Variants in RNPEPL1 observed in about 807,000 individuals in gnomAD.
The protein encoded by RNPEPL1 is aminopeptidase RNPEPL1.
A neutral mutation model predicts 69.0 loss-of-function variants in RNPEPL1; 46 were observed. The observed-to-expected ratio is 0.67, with a 90% CI of 0.53 to 0.85. RNPEPL1 has a LOEUF of 0.85. Among genes scored for constraint, RNPEPL1 ranks in the 40% least tolerant of loss-of-function variants. RNPEPL1 has a pLI of 0.00. For synonymous variants in RNPEPL1, 525 were observed against 454.1 expected (o/e 1.16, Z -1.98); for missense variants, 869 against 992.5 (o/e 0.88, Z 1.67).
In RNPEPL1 at chr2:240,578,081, C is replaced by G; in HGVS notation, c.*189C>G. 1 of 503,596 alleles carries G rather than the reference C, an allele frequency of 2.0e-6. No individual in the cohort carries two copies. 31.2% of individuals were successfully genotyped at this position (503,596 alleles called of 1,614,324 possible). On this transcript the variant is annotated 3_prime_UTR_variant, in exon 11 of 11. Transcript: ENST00000270357. Reference sequence around the variant, plus strand: ...CTTGTGTCTGGCAGAGACCTGTGGACCTGGCCTCCCCACTCCCAGCTCTCT... The same window carrying G: ...CTTGTGTCTGGCAGAGACCTGTGGAGCTGGCCTCCCCACTCCCAGCTCTCT...
rs1231473230 is a variant in RNPEPL1 at position 240,577,715 on chromosome 2, A to G, written c.2001A>G (p.Arg667=). Residue 667 remains arginine (R), a synonymous_variant, in exon 11 of 11, where the codon AGA becomes AGG. Transcript: ENST00000270357. ...TQGRLHPNLR[R]AIQQILSQGL... The stretch of plus-strand genomic sequence containing the variant: ...GCCGGCTGCACCCCAACCTGCGCAG[A>G]GCCATCCAGCAGATCCTGTCCCAGG... 2 of 1,612,656 alleles carry G rather than the reference A, an allele frequency of 1.2e-6. No individual in the cohort carries two copies. Among genetic ancestry groups the G allele is most frequent in the Admixed American group, 1.7e-5 (1 of 59,970 alleles).
In RNPEPL1 at chr2:240,572,508, T is replaced by G. The variant is rs2093024657; in HGVS notation, c.614T>G (p.Phe205Cys). The G allele has an allele frequency of 6.5e-7, 1 of 1,536,146 alleles. No individual in the cohort carries two copies. The highest frequency in any genetic ancestry group is 2.0e-5 in the Admixed American group (1 of 50,990). ...TQGHSVCNRS[F>C]FPCFDTPAVK... ...GGCCACTCCGTGTGCAACCGCTCCT[T>G]CTTCCCGTGCTTCGACACACCTGCC... Residue 205 changes from phenylalanine (F) to cysteine (C), a missense_variant, in exon 2 of 11, where the codon TTC becomes TGC. This residue lies in a region of RNPEPL1 where 610 missense variants were observed against 790.9 expected (regional missense o/e 0.77). Transcript: ENST00000270357.
chr2:240,576,572 G>A lies in RNPEPL1; in HGVS notation c.1548G>A (p.Pro516=), dbSNP rs777178847. The change falls in exon 9 of 11, where the codon CCG becomes CCA. Residue 516 remains proline, a synonymous_variant. Coordinates refer to ENST00000270357, the MANE Select transcript of RNPEPL1 (RefSeq NM_018226.6). The stretch of plus-strand genomic sequence containing the variant: ...AGCGCTGGCTCAATGCCACAGGCCC[G>A]CCGCTGGCTGAGCCGGACCTGTCTC... The part of the protein sequence containing the change: ...EFERWLNATG[P]PLAEPDLSQG... 2.5e-5 allele frequency: 40 copies of A among 1,612,882 alleles called. No individual in the cohort carries two copies. Among genetic ancestry groups the A allele is most frequent in the East Asian group, 6.7e-5 (3 of 44,868 alleles).
At chr2:240,571,396 C>CGAA (rs1314912382) in intron 1 of RNPEPL1, among the ~76,000 whole-genome samples, 1 of 152,092 alleles carries the variant, frequency 6.6e-6, no homozygotes, top group East Asian at 1.9e-4. Flanking sequence ...GGCCTCTGCA[C>CGAA]GAAGAGCAAT....
intron 1 of RNPEPL1, among the ~76,000 whole-genome samples, chr2:240,569,768 A>T (rs1412085839): frequency 6.6e-6 from 1 of 152,206 alleles, no homozygotes; most frequent in Non-Finnish European, 1.5e-5. Context: ...ATGGGGGTTC[A>T]TACTGCATCC....
chr2:240,574,531 C>T lies in RNPEPL1; in HGVS notation c.1191C>T (p.Cys397=). The part of the protein sequence containing the change: ...TTETYGAAFT[C]LETAFRLDAL... ...CCCATCCAGGTGCTGCCTTCACCTG[C>T]CTGGAGACTGCCTTCCGCCTGGACG... The change falls in exon 6 of 11, where the codon TGC becomes TGT. Residue 397 remains cysteine, a synonymous_variant. Coordinates refer to ENST00000270357, the MANE Select transcript of RNPEPL1 (RefSeq NM_018226.6). 6.2e-7 allele frequency: 1 copy of T among 1,611,974 alleles called. No individual in the cohort carries two copies. Among genetic ancestry groups the T allele is most frequent in the Non-Finnish European group, 8.5e-7 (1 of 1,179,644 alleles).
chr2:240,581,187 A>G lies in RNPEPL1; in HGVS notation c.*3295A>G, dbSNP rs1179296555. On this transcript the variant is annotated 3_prime_UTR_variant, in exon 11 of 11. Transcript: ENST00000270357. Reference sequence around the variant, plus strand: ...TTACACCTGAGACAGAGGCAACAGAAAAATCAGAAAAGGACTTTAGAACAC... The same window carrying G: ...TTACACCTGAGACAGAGGCAACAGAGAAATCAGAAAAGGACTTTAGAACAC... The G allele has an allele frequency of 6.6e-6, 1 of 152,364 alleles. No individual in the cohort carries two copies. Among genetic ancestry groups the G allele is most frequent in the African/African-American group, 2.4e-5 (1 of 41,580 alleles). 9.4% of individuals were successfully genotyped at this position (152,364 alleles called of 1,614,324 possible).
intron 1 of RNPEPL1, 140 bp from the exon 2 acceptor site, chr2:240,572,283 A>G (rs1297151536): frequency 1.0e-6 from 1 of 970,698 alleles, no homozygotes; most frequent in East Asian, 2.7e-5. Context: ...AGGGGTGGCT[A>G]TTGGCCCTCG....
At position 240,568,682 on chromosome 2, in the gene RNPEPL1, G is replaced by A; in HGVS notation, c.96G>A (p.Ser32=). The A allele has an allele frequency of 9.6e-7, 1 of 1,044,804 alleles. No individual in the cohort carries two copies. The highest frequency in any genetic ancestry group is 5.2e-5 in the Admixed American group (1 of 19,076). The allele number at this position is 1,044,804 out of a possible 1,614,324, so 64.7% of individuals were successfully genotyped here. A position where few individuals can be genotyped will look rare whatever the true frequency, so the allele number is the denominator to read the frequency against. Residue 32 remains serine, a synonymous_variant, in exon 1 of 11, where the codon TCG becomes TCA. Transcript: ENST00000270357. This position sits in a 1 kb window ranked among gnomAD's most constrained non-coding sequence, Gnocchi z 6.2. ...PEPPPALDVA[S]ASSAQLFRLR... ...CGCCGCCCGCCCTGGACGTGGCCTC[G>A]GCCTCCAGCGCGCAGCTCTTCCGCC...
chr2:240,574,779 C>A (rs1428532147), intron 6 of RNPEPL1, 151 bp downstream of exon 6: 3 of 737,212 alleles, frequency 4.1e-6, no homozygotes, highest in Non-Finnish European at 6.8e-6. Context: ...CTGGCCAGGG[C>A]AAGGCCTCCC....
intron 8 of RNPEPL1, chr2:240,576,234 A>G (rs896090729): frequency 6.0e-5 from 28 of 469,698 alleles, no homozygotes; most frequent in African/African-American, 5.5e-4. Context: ...GGCCTCCACC[A>G]GCACTGAGGT....
chr2:240,568,523 C>A lies in RNPEPL1; in HGVS notation c.-64C>A. The A allele has an allele frequency of 1.2e-6, 1 of 800,016 alleles. No individual in the cohort carries two copies. Among genetic ancestry groups the A allele is most frequent in the Non-Finnish European group, 1.5e-6 (1 of 664,632 alleles). The allele number at this position is 800,016 out of a possible 1,614,324, so 49.6% of individuals were successfully genotyped here. ...CCCGCGCCCCGCCGCCGCCGCCGCC[C>A]GGCGCCCCTCGCCCGCGGCCCGGCG... On this transcript the variant is annotated 5_prime_UTR_variant, in exon 1 of 11. Transcript: ENST00000270357. This position sits in a 1 kb window ranked among gnomAD's most constrained non-coding sequence, Gnocchi z 6.2.
chr2:240,577,277 C>T (rs2093040506), intron 10 of RNPEPL1, among the ~76,000 whole-genome samples: 1 of 152,206 alleles, frequency 6.6e-6, no homozygotes, highest in African/African-American at 2.4e-5. Flanking sequence ...CCTTCAGCGT[C>T]CTGGTCTGGG....
rs144765288 is a variant in RNPEPL1 at position 240,570,971 on chromosome 2, G to C, written c.529-1452G>C. Among the ~76,000 whole-genome samples, 252 of 152,314 alleles carry C rather than the reference G, an allele frequency of 1.7e-3. No individual in the cohort carries two copies. In the Middle Eastern group the frequency reaches 0.017, roughly 10 times the overall value. ...AGAGGTGTGAGTGGGCAGAGCCTGA[G>C]AAGGGCCTCAGGAGGGTGAGGCAAG... On this transcript the variant is annotated intron_variant, in intron 1 of 10. Transcript: ENST00000270357.
intron 3 of RNPEPL1, 98 bp downstream of exon 3, chr2:240,573,359 C>T: frequency 7.4e-7 from 1 of 1,353,698 alleles, no homozygotes; most frequent in South Asian, 1.5e-5. Flanking sequence ...CTGCTGAGGA[C>T]CCCCACTGGC....
chr2:240,574,866 G>T (rs974451310), intron 6 of RNPEPL1, 164 bp from the exon 7 acceptor site: 3 of 687,962 alleles, frequency 4.4e-6, no homozygotes, highest in African/African-American at 3.5e-5. Context: ...AGTCTTCCCC[G>T]AGGCCCTGCC....
rs148055064 is a variant in RNPEPL1, at chr2:240,575,499, C to T, written c.1402-3C>T. 374 of 1,611,204 alleles carry T rather than the reference C, an allele frequency of 2.3e-4. 4 individuals are homozygous for T. The East Asian group carries it at 8.3e-3, about 36-fold the overall frequency. ...CTGCTGAGGCCCCACCTCTGCCACA[C>T]AGGCCTATGTGGAGAAGTACAAGTT... On this transcript the variant is annotated splice_region_variant and splice_polypyrimidine_tract_variant and intron_variant, in intron 7 of 10. Coordinates refer to ENST00000270357, the MANE Select transcript of RNPEPL1 (RefSeq NM_018226.6).
intron 7 of RNPEPL1, 90 bp downstream of exon 7, chr2:240,575,232 G>A: frequency 9.5e-7 from 1 of 1,051,894 alleles, no homozygotes; most frequent in Non-Finnish European, 1.5e-6. Context: ...GCGGCAGTTG[G>A]GGTGGAACTG....
Position 240,575,140 on chromosome 2 carries a change from C to T in RNPEPL1, c.1399C>T (p.Arg467Ter), listed in dbSNP as rs766756383. ...GDPQRFDDFL[R>*]AYVEKYKFTS... ...CCCACAGCGCTTTGATGACTTTCTC[C>T]GAGTGAGCAGCCCCCTGCCCGGGAC... The change falls in exon 7 of 11, where the codon CGA (arginine) becomes TGA (stop). Residue 467 changes from arginine to a stop codon, truncating the protein, a stop_gained and splice_region_variant. Transcript: ENST00000270357. LOFTEE classifies it high-confidence loss of function. 5 of 1,611,752 alleles carry T rather than the reference C, an allele frequency of 3.1e-6. No individual in the cohort carries two copies. The highest frequency in any genetic ancestry group is 4.5e-5 in the East Asian group (2 of 44,880).
Sources: gnomAD v4.1 joint callset for allele counts (sites outside exome capture counted in the v4.1 genomes callset) on GRCh38, gnomAD v4.1.1 for gene constraint, gnomAD v4.1.1 regional missense constraint, Gnocchi (gnomAD v3.1) non-coding constraint, MANE v1.5 for transcripts, NCBI Gene and HGNC (gene_info 2026-07-23, HGNC 2026-07-21) for gene names.